The following SRPK1 variants were observed in gnomAD, a reference collection of about 807,000 sequenced individuals.
SRPK1 encodes SRSF protein kinase 1.
Under a neutral mutation model 89.5 loss-of-function variants are expected in SRPK1, and 52 were observed. That is an observed-to-expected ratio of 0.58 (90% CI 0.46 to 0.73). The LOEUF is 0.73. SRPK1 is among the 30% of genes least tolerant of loss of function. SRPK1 has a pLI of 0.00. For synonymous variants in SRPK1, 255 were observed against 270.2 expected, an observed-to-expected ratio of 0.94 and a Z score of 0.55; for missense variants, 603 against 780.6, an observed-to-expected ratio of 0.77 and a Z score of 2.71.
intron 6 of SRPK1, among the ~76,000 whole-genome samples, chr6:35,878,296 C>CGGG (rs1770200326): frequency 1.3e-5 from 2 of 152,064 alleles, no homozygotes; most frequent in African/African-American, 2.4e-5. Context: ...TATCTTGATG[C>CGGG]CAGGTAATAA....
chr6:35,915,318 A>G (rs1214765190), intron 2 of SRPK1, among the ~76,000 whole-genome samples: 1 of 150,712 alleles, frequency 6.6e-6, no homozygotes, highest in Non-Finnish European at 1.5e-5. Flanking sequence ...GAGGCAGGAG[A>G]ATGGCATGAA....
At chr6:35,853,478 G>A (rs1769600127) in intron 13 of SRPK1, among the ~76,000 whole-genome samples, 1 of 151,978 alleles carries the variant, frequency 6.6e-6, no homozygotes, top group East Asian at 1.9e-4. Context: ...TATCTGCAGG[G>A]GGTCTTAGAA....
At chr6:35,859,462 C>T (rs1769731124) in intron 12 of SRPK1, among the ~76,000 whole-genome samples, 1 of 152,106 alleles carries the variant, frequency 6.6e-6, no homozygotes, top group African/African-American at 2.4e-5. Flanking sequence ...TCAGAATCCC[C>T]CGAGTATAAA....
rs144773420 is a variant in SRPK1 at position 35,838,116 on chromosome 6, C to T, written c.1783+221G>A. ...AACTCCTGATATTGTGATTCGCCCA[C>T]CTTGGTCTCCCAAAGTGCTGGGATC... is the stretch of plus-strand genomic sequence containing the variant. On this transcript the variant is annotated intron_variant, in intron 15 of 15. Transcript: ENST00000373825. 5.8e-4 allele frequency among the ~76,000 whole-genome samples: 88 copies of T among 152,276 alleles called. No individual in the cohort carries two copies. The East Asian group carries it at 0.017, about 29-fold the overall frequency.
chr6:35,880,747 A>AAAAAAAAAAAAAAAAGAAAG, intron 6 of SRPK1, among the ~76,000 whole-genome samples: 1 of 75,386 alleles, frequency 1.3e-5, no homozygotes, highest in East Asian at 2.6e-4. Context: ...AAAAAAAAAA[A>AAAAAAAAAAAAAAAAGAAAG]AAAGAAAAGA....
intron 2 of SRPK1, chr6:35,904,844 A>G (rs1168062711): frequency 4.3e-6 from 1 of 233,902 alleles, no homozygotes; most frequent in South Asian, 4.3e-5. Context: ...AATAAAAAAT[A>G]AATAAAGTCG....
intron 2 of SRPK1, among the ~76,000 whole-genome samples, chr6:35,914,675 T>C (rs1771050070): frequency 6.6e-6 from 1 of 152,188 alleles, no homozygotes; most frequent in Non-Finnish European, 1.5e-5. Flanking sequence ...ACTATAATAA[T>C]ATAGTAGCCA....
intron 9 of SRPK1, 75 bp from the exon 10 acceptor site, chr6:35,870,569 TTTAA>T: frequency 1.5e-6 from 2 of 1,300,902 alleles, no homozygotes; most frequent in Non-Finnish European, 2.1e-6. Context: ...AGTTGTTAAC[TTTAA>T]TTACTTCCTA....
At chr6:35,846,419 G>A (rs576061527) in intron 13 of SRPK1, among the ~76,000 whole-genome samples, 10 of 151,952 alleles carry the variant, frequency 6.6e-5, no homozygotes, top group Admixed American at 3.3e-4. Flanking sequence ...GGTGAATCCC[G>A]TCTCTACCAA....
In SRPK1 at chr6:35,833,390, A is replaced by T. The variant is rs1021124472; in HGVS notation, c.*1914T>A. On this transcript the variant is annotated 3_prime_UTR_variant, in exon 16 of 16. Transcript: ENST00000373825. ...AAAATAGGGCCTTTTGTGTTTTGTTATTTCACCTTAATATCACCAGAATTC... is the reference window on the plus strand; with the variant it reads ...AAAATAGGGCCTTTTGTGTTTTGTTTTTTCACCTTAATATCACCAGAATTC... 1 of 152,354 alleles carries T rather than the reference A, an allele frequency of 6.6e-6. No homozygotes were observed. The highest frequency in any genetic ancestry group is 2.4e-5 in the African/African-American group (1 of 41,452). 9.4% of individuals were successfully genotyped at this position (152,354 alleles called of 1,614,324 possible).
At chr6:35,843,441 G>A (rs1490331640) in intron 13 of SRPK1, among the ~76,000 whole-genome samples, 1 of 152,088 alleles carries the variant, frequency 6.6e-6, no homozygotes, top group African/African-American at 2.4e-5. Flanking sequence ...CAGATGGGAA[G>A]TTCCTGATTC....
In SRPK1 at chr6:35,838,395, C is replaced by A; in HGVS notation, c.1725G>T (p.Lys575Asn). 1.3e-6 allele frequency: 2 copies of A among 1,579,910 alleles called. No homozygotes were observed. Reference sequence around the variant, plus strand: ...CTGCCACAATGAGCTTGCGAGGCACCTTCCCCAGAAGTTCTATGATCAATG... The same window carrying A: ...CTGCCACAATGAGCTTGCGAGGCACATTCCCCAGAAGTTCTATGATCAATG... ...HIALIIELLG[K>N]VPRKLIVAGK... The change falls in exon 15 of 16, where the codon AAG (lysine) becomes AAT (asparagine). Residue 575 changes from lysine to asparagine, a missense_variant. Physicochemically the swap from Lys to Asn is moderately conservative, Grantham distance 94. Coordinates refer to ENST00000373825, the MANE Select transcript of SRPK1 (RefSeq NM_003137.5).
chr6:35,873,302 TA>T (rs1770073644), intron 7 of SRPK1, among the ~76,000 whole-genome samples: 1 of 152,222 alleles, frequency 6.6e-6, no homozygotes, highest in Non-Finnish European at 1.5e-5. Context: ...TCTATTCATG[TA>T]AAATTACTAT....
intron 2 of SRPK1, among the ~76,000 whole-genome samples, chr6:35,898,577 C>T (rs115852471): frequency 1.2e-4 from 18 of 152,194 alleles, no homozygotes; most frequent in African/African-American, 4.3e-4. Flanking sequence ...TAATTTATCA[C>T]AAAATTTAGC....
At chr6:35,905,058 G>T in intron 2 of SRPK1, 1 of 370,684 alleles carries the variant, frequency 2.7e-6, no homozygotes, top group Non-Finnish European at 5.2e-6. Context: ...GAGGCAGAGG[G>T]AATGCTTGAG....
chr6:35,917,061 A>AAAAAAC (rs1554158326), intron 2 of SRPK1, among the ~76,000 whole-genome samples: 1 of 150,884 alleles, frequency 6.6e-6, no homozygotes, highest in African/African-American at 2.5e-5. Flanking sequence ...CTCTGTCTCA[A>AAAAAAC]AAAACAAAAC....
intron 2 of SRPK1, among the ~76,000 whole-genome samples, chr6:35,893,369 C>T (rs1770560918): frequency 6.6e-6 from 1 of 151,968 alleles, no homozygotes; most frequent in Admixed American, 6.6e-5. Context: ...CCTGTAGTCC[C>T]AGCTACTCGG....
chr6:35,855,638 C>T (rs1769650254), intron 13 of SRPK1, among the ~76,000 whole-genome samples: 1 of 152,194 alleles, frequency 6.6e-6, no homozygotes, highest in Non-Finnish European at 1.5e-5. Context: ...TAGGAAGTCT[C>T]TAAACCCTTG....
At chr6:35,844,163 C>A (rs1346489868) in intron 13 of SRPK1, among the ~76,000 whole-genome samples, 1 of 151,960 alleles carries the variant, frequency 6.6e-6, no homozygotes, top group Non-Finnish European at 1.5e-5. Context: ...CGCCACCAAG[C>A]CCGGCTAATT....
Sources: gnomAD v4.1 joint callset for allele counts (sites outside exome capture counted in the v4.1 genomes callset) on GRCh38, gnomAD v4.1.1 for gene constraint, MANE v1.5 for transcripts, NCBI Gene and HGNC (gene_info 2026-07-23, HGNC 2026-07-21) for gene names.